Variants in IMMP2L observed in about 807,000 individuals in gnomAD.
IMMP2L encodes the protein mitochondrial inner membrane protease subunit 2.
In IMMP2L, 18 loss-of-function variants were observed where a neutral mutation model predicts 19.3. The observed-to-expected ratio is 0.93, with a 90% confidence interval of 0.64 to 1.38. The LOEUF is 1.38. Ranked by LOEUF, IMMP2L falls within the 40% of genes most tolerant of loss-of-function variation. The pLI is 0.00. For synonymous variants in IMMP2L, 76 were observed against 73.0 expected (o/e 1.04, Z -0.21); for missense variants, 233 against 218.2 (o/e 1.07, Z -0.43).
intron 3 of IMMP2L, among the ~76,000 whole-genome samples, chr7:111,147,765 A>G (rs1586570047): frequency 6.6e-6 from 1 of 151,924 alleles, no homozygotes; most frequent in African/African-American, 2.4e-5. Flanking sequence ...CCAAAAATCT[A>G]CTCCTCCATA....
rs370252655 is a variant in IMMP2L at position 110,745,063 on chromosome 7, C to T, written c.409-81342G>A. ...CAGTTGAGTGAAGAATACAAATGAC[C>T]TGATGGGCTGAAAAACATAGTACGA... On this transcript the variant is annotated intron_variant, in intron 5 of 5. Transcript: ENST00000405709. Among the ~76,000 whole-genome samples the T allele has an allele frequency of 7.7e-4, 117 of 152,228 alleles. 2 individuals are homozygous for T. In the East Asian group the frequency reaches 0.016, roughly 21 times the overall value.
At chr7:110,818,683 C>G (rs1247341269) in intron 5 of IMMP2L, among the ~76,000 whole-genome samples, 4 of 151,174 alleles carry the variant, frequency 2.6e-5, no homozygotes, top group Non-Finnish European at 5.9e-5. Flanking sequence ...TTGTGGCACT[C>G]ACAATAGCAA....
At chr7:110,832,627 T>G (rs890414399) in intron 5 of IMMP2L, among the ~76,000 whole-genome samples, 1 of 152,098 alleles carries the variant, frequency 6.6e-6, no homozygotes, top group African/African-American at 2.4e-5. Context: ...AGAACTGAAT[T>G]TAAGTCACAT....
chr7:111,041,846 T>C (rs1186233965), intron 3 of IMMP2L, among the ~76,000 whole-genome samples: 2 of 152,168 alleles, frequency 1.3e-5, no homozygotes, highest in Non-Finnish European at 2.9e-5. Flanking sequence ...GTGTAGTTAG[T>C]GTCAAGAGCA....
intron 5 of IMMP2L, among the ~76,000 whole-genome samples, chr7:110,748,400 T>C (rs192715889): frequency 6.6e-6 from 1 of 152,208 alleles, no homozygotes; most frequent in African/African-American, 2.4e-5. Flanking sequence ...AAAAACTACT[T>C]TAAATTTCAT....
At chr7:111,061,246 T>A (rs1267932557) in intron 3 of IMMP2L, among the ~76,000 whole-genome samples, 1 of 152,164 alleles carries the variant, frequency 6.6e-6, no homozygotes, top group Non-Finnish European at 1.5e-5. Context: ...GGCACATTAT[T>A]CAGAGCACAG....
At chr7:111,554,604 CTTTA>C (rs1316795332) in intron 1 of IMMP2L, among the ~76,000 whole-genome samples, 1 of 151,758 alleles carries the variant, frequency 6.6e-6, no homozygotes, top group Admixed American at 6.6e-5. Flanking sequence ...CAAAGCATTG[CTTTA>C]TTTTTATTTT....
At chr7:110,721,141 T>C (rs975890465) in intron 5 of IMMP2L, among the ~76,000 whole-genome samples, 1 of 151,898 alleles carries the variant, frequency 6.6e-6, no homozygotes, top group South Asian at 2.1e-4. Context: ...TCACTGAGAG[T>C]AGCTTCGTAC....
chr7:111,484,770 G>A (rs181984471), intron 3 of IMMP2L, among the ~76,000 whole-genome samples: 1 of 152,088 alleles, frequency 6.6e-6, no homozygotes, highest in African/African-American at 2.4e-5. Context: ...GGTCTAGAAA[G>A]CATGTTTCAT....
At chr7:111,412,344 A>G (rs1834509218) in intron 3 of IMMP2L, among the ~76,000 whole-genome samples, 1 of 151,746 alleles carries the variant, frequency 6.6e-6, no homozygotes. Flanking sequence ...TCACCCAACA[A>G]TAGCAGAATA....
At chr7:110,899,041 A>G (rs1249377301) in intron 4 of IMMP2L, among the ~76,000 whole-genome samples, 1 of 151,972 alleles carries the variant, frequency 6.6e-6, no homozygotes, top group Non-Finnish European at 1.5e-5. Context: ...TAGAGCTTGT[A>G]ATTTTATTTT....
At chr7:111,084,553 T>C (rs143182631) in intron 3 of IMMP2L, among the ~76,000 whole-genome samples, 3 of 152,240 alleles carry the variant, frequency 2.0e-5, no homozygotes, top group South Asian at 2.1e-4. Context: ...AGTAATTACA[T>C]AGTAGTAGAG....
At chr7:111,491,377 G>A (rs922320403) in intron 2 of IMMP2L, among the ~76,000 whole-genome samples, 5 of 152,080 alleles carry the variant, frequency 3.3e-5, no homozygotes, top group Non-Finnish European at 5.9e-5. Context: ...CCCCCTCGTT[G>A]TTCAAGAGTG....
intron 5 of IMMP2L, among the ~76,000 whole-genome samples, chr7:110,731,923 T>G (rs897026052): frequency 1.3e-5 from 2 of 152,194 alleles, no homozygotes; most frequent in Admixed American, 1.3e-4. Flanking sequence ...GTAGAGTTCT[T>G]AGACTAGTTA....
chr7:111,054,483 T>C (rs1027188304), intron 3 of IMMP2L, among the ~76,000 whole-genome samples: 2 of 152,238 alleles, frequency 1.3e-5, no homozygotes, highest in Non-Finnish European at 2.9e-5. Flanking sequence ...TGTCAAATGG[T>C]TCCTCATGTA....
intron 3 of IMMP2L, among the ~76,000 whole-genome samples, chr7:111,044,467 A>T (rs1792194288): frequency 6.6e-6 from 1 of 152,224 alleles, no homozygotes. Flanking sequence ...AGGCTGAGGC[A>T]GGAGAATCAC....
At chr7:110,962,791 T>C in intron 4 of IMMP2L, 1 of 1,166,232 alleles carries the variant, frequency 8.6e-7, no homozygotes, top group Non-Finnish European at 1.1e-6. Flanking sequence ...CAAGTTTTTT[T>C]AGAAAACAGG....
intron 3 of IMMP2L, among the ~76,000 whole-genome samples, chr7:111,434,440 GA>G (rs1427293687): frequency 6.8e-6 from 1 of 147,764 alleles, no homozygotes; most frequent in African/African-American, 2.6e-5. Flanking sequence ...ACAAACTACA[GA>G]ATGTTTTCCA....
chr7:111,355,612 G>GA (rs776307244), intron 3 of IMMP2L, among the ~76,000 whole-genome samples: 8 of 151,760 alleles, frequency 5.3e-5, no homozygotes, highest in African/African-American at 1.2e-4. Flanking sequence ...AAAAAACAGG[G>GA]AAAAAATAGA....
Sources: gnomAD v4.1 joint callset for allele counts (sites outside exome capture counted in the v4.1 genomes callset) on GRCh38, gnomAD v4.1.1 for gene constraint, MANE v1.5 for transcripts, NCBI Gene and HGNC (gene_info 2026-07-23, HGNC 2026-07-21) for gene names.